Variants in C3orf20 observed in about 807,000 individuals in gnomAD.
C3orf20 encodes the protein uncharacterized protein C3orf20.
C3orf20 carries 76 observed loss-of-function variants against 88.3 expected under a neutral mutation model. The ratio of observed to expected loss-of-function variants is 0.86; its 90% CI spans 0.72 to 1.04. C3orf20 has a LOEUF of 1.04. Among genes scored for constraint, C3orf20 ranks in the 50% least tolerant of loss-of-function variants. The pLI, the probability that C3orf20 is intolerant of heterozygous loss-of-function variation, is 0.00. For synonymous variants in C3orf20, 436 were observed against 437.4 expected (o/e 1.00, Z 0.04); for missense variants, 1,056 against 1,123.3 (o/e 0.94, Z 0.86).
chr3:14,676,111 C>G (rs1019212509), intron 1 of C3orf20, among the ~76,000 whole-genome samples: 4 of 139,330 alleles, frequency 2.9e-5, no homozygotes, highest in Admixed American at 7.6e-5. Context: ...CCCCCTCCCC[C>G]CCGCCTTTTT....
chr3:14,771,038 T>C (rs2035847271), intron 15 of C3orf20, among the ~76,000 whole-genome samples: 1 of 152,194 alleles, frequency 6.6e-6, no homozygotes, highest in African/African-American at 2.4e-5. Flanking sequence ...AAAGTTCATG[T>C]GTTGAAATCC....
intron 1 of C3orf20, among the ~76,000 whole-genome samples, chr3:14,681,141 G>A (rs1010406331): frequency 6.6e-6 from 1 of 152,236 alleles, no homozygotes. Context: ...CCAGGAGTCT[G>A]CAGATGGGTG....
chr3:14,740,726 C>T (rs527910807), intron 12 of C3orf20, among the ~76,000 whole-genome samples: 2 of 152,098 alleles, frequency 1.3e-5, no homozygotes, highest in Non-Finnish European at 2.9e-5. Context: ...TAGGTATTTT[C>T]TACTGACCTG....
chr3:14,753,951 G>A (rs2035287915), intron 12 of C3orf20, among the ~76,000 whole-genome samples: 1 of 152,166 alleles, frequency 6.6e-6, no homozygotes, highest in South Asian at 2.1e-4. Flanking sequence ...CTTTTAGTCA[G>A]GCTGTTCACA....
intron 15 of C3orf20, among the ~76,000 whole-genome samples, chr3:14,766,668 C>T (rs1044431267): frequency 2.6e-5 from 4 of 152,170 alleles, no homozygotes; most frequent in Non-Finnish European, 5.9e-5. Flanking sequence ...GCAGTGGGGA[C>T]GAGGTACACA....
chr3:14,769,822 G>A (rs1271245126), intron 15 of C3orf20, among the ~76,000 whole-genome samples: 1 of 152,120 alleles, frequency 6.6e-6, no homozygotes, highest in Non-Finnish European at 1.5e-5. Flanking sequence ...AGTACCCAGG[G>A]TGGGGACATT....
intron 12 of C3orf20, among the ~76,000 whole-genome samples, chr3:14,732,232 C>A (rs1462174614): frequency 6.6e-6 from 1 of 152,156 alleles, no homozygotes; most frequent in African/African-American, 2.4e-5. Context: ...TTTGCATTTC[C>A]CTAATAACTA....
chr3:14,689,678 C>G (rs905920794), intron 4 of C3orf20, among the ~76,000 whole-genome samples: 1 of 151,916 alleles, frequency 6.6e-6, no homozygotes, highest in African/African-American at 2.4e-5. Flanking sequence ...TCCTCTTGAC[C>G]TGGTGCAGCA....
At chr3:14,718,386 C>T (rs2034019215) in intron 9 of C3orf20, among the ~76,000 whole-genome samples, 1 of 152,092 alleles carries the variant, frequency 6.6e-6, no homozygotes, top group Admixed American at 6.6e-5. Context: ...AGAATTTCCA[C>T]TTAGTTACTT....
rs1194211012 is a variant in C3orf20, at chr3:14,756,034, AAAAAAAAAAAAAAG to A, written c.1941-1331_1941-1318del. Among the ~76,000 whole-genome samples, 6 of 139,870 alleles carry A rather than the reference AAAAAAAAAAAAAAG, an allele frequency of 4.3e-5. No individual in the cohort carries two copies. The East Asian group carries it at 8.0e-4, about 19-fold the overall frequency. 91.8% of individuals were successfully genotyped at this position (139,870 alleles called of 152,430 possible). The stretch of plus-strand genomic sequence containing the variant: ...ACAGAGCGAGACTCCATCTCAAAAA[AAAAAAAAAAAAAAG>A]AAAAAGAAAAAAGAAAAAAGAGTTT... On this transcript the variant is annotated intron_variant, in intron 12 of 16. Coordinates refer to ENST00000253697, the MANE Select transcript of C3orf20 (RefSeq NM_032137.5).
intron 12 of C3orf20, among the ~76,000 whole-genome samples, chr3:14,729,789 A>AC (rs1207626345): frequency 1.3e-5 from 2 of 152,056 alleles, no homozygotes; most frequent in African/African-American, 4.8e-5. Flanking sequence ...CATGTGATCC[A>AC]CCCGCCTGGG....
rs745967509 is a variant in C3orf20, at chr3:14,728,612, G to A, written c.1864G>A (p.Asp622Asn). The change falls in exon 12 of 17, where the codon GAT (aspartate) becomes AAT (asparagine). Residue 622 changes from aspartate to asparagine, a missense_variant. Coordinates refer to ENST00000253697, the MANE Select transcript of C3orf20 (RefSeq NM_032137.5). ...ATCCTCAATTGCAGAGACTTTGAAG[G>A]ATGAGCCTGAGTCTGCTCCTGTGAG... is the stretch of plus-strand genomic sequence containing the variant. ...LESSIAETLK[D>N]EPESAPVSPV... The A allele has an allele frequency of 1.4e-5, 23 of 1,614,146 alleles. 1 individual carries two copies. The South Asian group carries it at 2.4e-4, about 17-fold the overall frequency.
chr3:14,697,725 C>T (rs2033072868), intron 5 of C3orf20, among the ~76,000 whole-genome samples: 1 of 110,874 alleles, frequency 9.0e-6, no homozygotes, highest in Non-Finnish European at 1.8e-5. Context: ...CTGCTGCCAA[C>T]AGGCCCTAGT....
At chr3:14,750,296 T>A (rs998105668) in intron 12 of C3orf20, among the ~76,000 whole-genome samples, 5 of 152,182 alleles carry the variant, frequency 3.3e-5, no homozygotes, top group Non-Finnish European at 5.9e-5. Context: ...ATGCCTATAA[T>A]CCCAGCACTT....
chr3:14,697,596 C>A (rs1470073581), intron 5 of C3orf20, among the ~76,000 whole-genome samples: 1 of 151,790 alleles, frequency 6.6e-6, no homozygotes, highest in African/African-American at 2.4e-5. Flanking sequence ...TACATGTGCA[C>A]AATGTGCAGG....
chr3:14,757,761 G>A (rs2035423883), intron 13 of C3orf20, 87 bp downstream of exon 13: 3 of 1,318,002 alleles, frequency 2.3e-6, no homozygotes, highest in Non-Finnish European at 3.1e-6. Flanking sequence ...TGCTAGGACT[G>A]GCTGAGCACC....
At position 14,704,054 on chromosome 3, in the gene C3orf20, C is replaced by T. The variant is rs559467365; in HGVS notation, c.879-283C>T. Among the ~76,000 whole-genome samples, 531 of 152,254 alleles carry T rather than the reference C, an allele frequency of 3.5e-3. 1 individual carries two copies. Among genetic ancestry groups the T allele is most frequent in the African/African-American group, 0.012 (508 of 41,546 alleles). On this transcript the variant is annotated intron_variant, in intron 6 of 16. Transcript: ENST00000253697. ...TGGGGTGAGCAAGGTCTTCAAACCC[C>T]CAGGACCCACCCCCCAACTTCCACA...
Position 14,678,594 on chromosome 3 carries a change from A to G in C3orf20, c.-299+3342A>G, listed in dbSNP as rs2031915928. Among the ~76,000 whole-genome samples the G allele has an allele frequency of 3.9e-5, 6 of 152,346 alleles. No individual in the cohort carries two copies. In the South Asian group the frequency reaches 8.3e-4, roughly 21 times the overall value. On this transcript the variant is annotated intron_variant, in intron 1 of 16. Transcript: ENST00000253697. ...GTTGACTGAAGAAGGTGCTGCGTCC[A>G]TGGTCATCCCTCATATCCTTTATAA...
intron 5 of C3orf20, among the ~76,000 whole-genome samples, chr3:14,702,568 G>A (rs1428615600): frequency 6.6e-6 from 1 of 151,704 alleles, no homozygotes; most frequent in Non-Finnish European, 1.5e-5. Context: ...AGCCTCCTGA[G>A]TAGCTGGAAC....
Sources: allele counts gnomAD v4.1 joint callset (sites outside exome capture counted in the v4.1 genomes callset), GRCh38; gene constraint gnomAD v4.1.1; transcripts MANE v1.5; gene names NCBI Gene and HGNC (gene_info 2026-07-23, HGNC 2026-07-21).